Variants in ELMO1 observed in about 807,000 individuals in gnomAD.
The protein encoded by ELMO1 is engulfment and cell motility 1, also known as engulfment and cell motility protein 1.
In ELMO1, 26 loss-of-function variants were observed where a neutral mutation model predicts 98.9. The ratio of observed to expected loss-of-function variants is 0.26; its 90% CI spans 0.19 to 0.36. ELMO1 has a LOEUF of 0.36. Ranked by LOEUF, ELMO1 falls within the 10% of genes least tolerant of loss-of-function variation. The pLI is 1.00. For missense variants in ELMO1, 627 were observed against 935.2 expected (o/e 0.67, Z 4.30); for synonymous variants, 346 against 346.0 (o/e 1.00, Z 0.00).
intron 5 of ELMO1, among the ~76,000 whole-genome samples, chr7:37,268,872 C>T (rs1351959303): frequency 6.6e-6 from 1 of 152,210 alleles, no homozygotes; most frequent in Non-Finnish European, 1.5e-5. Context: ...AAAAAGACCA[C>T]CTTTGACAGA....
intron 15 of ELMO1, among the ~76,000 whole-genome samples, chr7:37,087,291 T>C (rs571229306): frequency 1.3e-5 from 2 of 152,300 alleles, no homozygotes; most frequent in South Asian, 4.1e-4. Flanking sequence ...CTCTAATGTG[T>C]TTGTAAGTTT....
chr7:37,147,832 GAA>G (rs34146164), intron 13 of ELMO1, among the ~76,000 whole-genome samples: 33 of 133,372 alleles, frequency 2.5e-4, no homozygotes, highest in Admixed American at 1.1e-3. Flanking sequence ...AGAAAAGTTG[GAA>G]AAAAAAAAAA....
At position 37,342,709 on chromosome 7, in the gene ELMO1, T is replaced by C. The variant is rs1424962229; in HGVS notation, c.-19A>G. The stretch of plus-strand genomic sequence containing the variant: ...GCGGCATTGTAAGTCCCCAAAATGT[T>C]CAAAGCCAGTGGGAATGAGGATCCT... On this transcript the variant is annotated 5_prime_UTR_variant, in exon 2 of 22. Coordinates refer to ENST00000310758, the MANE Select transcript of ELMO1 (RefSeq NM_014800.11). This position sits in a 1 kb window ranked among gnomAD's most constrained non-coding sequence, Gnocchi z 4.3. 2.5e-6 allele frequency: 4 copies of C among 1,603,206 alleles called. 1 individual carries two copies. In the South Asian group the frequency reaches 3.3e-5, roughly 13 times the overall value.
At chr7:36,982,186 G>T (rs1028858129) in intron 16 of ELMO1, among the ~76,000 whole-genome samples, 2 of 152,212 alleles carry the variant, frequency 1.3e-5, no homozygotes, top group Non-Finnish European at 2.9e-5. Context: ...TTGTGCACAT[G>T]AATCTACTTT....
chr7:37,155,720 T>C (rs980208662), intron 13 of ELMO1, among the ~76,000 whole-genome samples: 1 of 152,060 alleles, frequency 6.6e-6, no homozygotes, highest in African/African-American at 2.4e-5. Context: ...CACTAAATAA[T>C]AATGGGAGAC....
At chr7:36,942,182 C>A (rs921918966) in intron 16 of ELMO1, among the ~76,000 whole-genome samples, 3 of 152,200 alleles carry the variant, frequency 2.0e-5, no homozygotes, top group African/African-American at 7.2e-5. Flanking sequence ...TCAGTCCAGA[C>A]CTCCAGGTAG....
chr7:37,295,129 C>T (rs1325427806), intron 4 of ELMO1, among the ~76,000 whole-genome samples: 2 of 152,142 alleles, frequency 1.3e-5, no homozygotes, highest in Non-Finnish European at 2.9e-5. Context: ...TTCATAAGCA[C>T]ATACCTATGT....
intron 1 of ELMO1, among the ~76,000 whole-genome samples, chr7:37,407,486 C>T (rs4723648): frequency 0.24 from 34,302 of 143,214 alleles, 4,175 homozygotes; most frequent in East Asian, 0.42. Context: ...CCAGCCTGGG[C>T]GAAAGAGTGA....
At chr7:37,262,060 G>A (rs1213826110) in intron 5 of ELMO1, among the ~76,000 whole-genome samples, 1 of 152,046 alleles carries the variant, frequency 6.6e-6, no homozygotes, top group African/African-American at 2.4e-5. Context: ...TCAATAATGT[G>A]GAAGCTAAGT....
intron 4 of ELMO1, among the ~76,000 whole-genome samples, chr7:37,297,053 G>A (rs1355359112): frequency 1.5e-5 from 2 of 131,226 alleles, no homozygotes; most frequent in African/African-American, 5.1e-5. Context: ...CCCAGTCAAT[G>A]ACATATTTTA....
chr7:37,366,913 T>C (rs1314434965), intron 1 of ELMO1, among the ~76,000 whole-genome samples: 1 of 152,250 alleles, frequency 6.6e-6, no homozygotes, highest in Non-Finnish European at 1.5e-5. Context: ...AACAGACTGA[T>C]GAATTCTTTG....
intron 15 of ELMO1, 27 bp from the exon 16 acceptor site, chr7:37,013,462 G>A: frequency 6.2e-7 from 1 of 1,611,744 alleles, no homozygotes; most frequent in Non-Finnish European, 8.5e-7. Context: ...GAAAATAAGA[G>A]AAAAAGTTTT....
At chr7:37,287,067 C>T (rs1428507600) in intron 4 of ELMO1, among the ~76,000 whole-genome samples, 1 of 151,888 alleles carries the variant, frequency 6.6e-6, no homozygotes, top group Non-Finnish European at 1.5e-5. Context: ...GTGGCATATG[C>T]CTATAGTTCC....
chr7:37,130,284 G>A (rs1357293833), intron 14 of ELMO1, among the ~76,000 whole-genome samples: 2 of 152,130 alleles, frequency 1.3e-5, no homozygotes, highest in African/African-American at 2.4e-5. Flanking sequence ...TTGTTTTCTT[G>A]AGGAATCCCC....
intron 16 of ELMO1, among the ~76,000 whole-genome samples, chr7:37,012,581 C>T (rs1793637876): frequency 6.6e-6 from 1 of 152,212 alleles, no homozygotes; most frequent in Non-Finnish European, 1.5e-5. Flanking sequence ...GATTTTGCTT[C>T]TCTATGAAAG....
intron 13 of ELMO1, among the ~76,000 whole-genome samples, chr7:37,169,227 T>C (rs4363109): frequency 0.71 from 107,638 of 152,058 alleles, 40,703 homozygotes; most frequent in Non-Finnish European, 0.83. Flanking sequence ...GACCCGATTT[T>C]CCAGGTGCCG....
chr7:36,858,444 G>C (rs1009237182), intron 21 of ELMO1, among the ~76,000 whole-genome samples: 1 of 152,174 alleles, frequency 6.6e-6, no homozygotes, highest in Admixed American at 6.5e-5. Context: ...GGGGACCGAT[G>C]AATATATGAA....
chr7:37,015,533 G>A (rs775499646), intron 15 of ELMO1, among the ~76,000 whole-genome samples: 10 of 151,584 alleles, frequency 6.6e-5, no homozygotes, highest in Admixed American at 4.6e-4. Context: ...TCCAGGAGCT[G>A]GAGGTTGCAG....
At position 36,878,120 on chromosome 7, in the gene ELMO1, G is replaced by A. The variant is rs1437930456; in HGVS notation, c.1715-3C>T. ...AAGCCGACAATACCAAAACTTGTCT[G>A]AGAGAAAAAACACAAGTTTACAAGG... On this transcript the variant is annotated splice_region_variant and splice_polypyrimidine_tract_variant and intron_variant, in intron 18 of 21. Transcript: ENST00000310758. The A allele has an allele frequency of 1.2e-6, 2 of 1,611,518 alleles. No individual in the cohort carries two copies. The highest frequency in any genetic ancestry group is 1.1e-5 in the South Asian group (1 of 90,932).
Sources: gnomAD v4.1 joint callset for allele counts (sites outside exome capture counted in the v4.1 genomes callset) on GRCh38, gnomAD v4.1.1 for gene constraint, Gnocchi (gnomAD v3.1) non-coding constraint, MANE v1.5 for transcripts, NCBI Gene and HGNC (gene_info 2026-07-23, HGNC 2026-07-21) for gene names.